The following DNAH9 variants were observed in gnomAD, a reference collection of about 807,000 sequenced individuals.
DNAH9 encodes the protein DNAH9 variant protein.
Under a neutral mutation model 471.6 loss-of-function variants are expected in DNAH9, and 345 were observed. That is an observed-to-expected ratio of 0.73 (90% CI 0.67 to 0.80). DNAH9 has a LOEUF of 0.80. Ranked by LOEUF, DNAH9 falls within the 30% of genes least tolerant of loss-of-function variation. The probability of loss-of-function intolerance (pLI) is 0.00; values close to 1 mark genes in which losing one functional copy is unlikely to be tolerated. For missense variants in DNAH9, 5,407 were observed against 5,609.2 expected, an observed-to-expected ratio of 0.96 and a Z score of 1.15; for synonymous variants, 2,093 against 2,123.6, an observed-to-expected ratio of 0.99 and a Z score of 0.40.
intron 3 of DNAH9, among the ~76,000 whole-genome samples, chr17:11,610,858 T>G (rs1422468257): frequency 6.6e-6 from 1 of 152,214 alleles, no homozygotes; most frequent in African/African-American, 2.4e-5. Flanking sequence ...TTTAACATTT[T>G]TATTCTAACT....
At chr17:11,622,591 C>G (rs1355388141) in intron 6 of DNAH9, among the ~76,000 whole-genome samples, 1 of 152,066 alleles carries the variant, frequency 6.6e-6, no homozygotes, top group Non-Finnish European at 1.5e-5. Context: ...TGCAGATGGC[C>G]CTGGGAATGG....
chr17:11,917,675 T>C (rs1974001630), intron 61 of DNAH9, among the ~76,000 whole-genome samples: 1 of 152,204 alleles, frequency 6.6e-6, no homozygotes, highest in Non-Finnish European at 1.5e-5. Flanking sequence ...ACCTGCCTCC[T>C]TGGGTTACTG....
chr17:11,717,398 A>G (rs2150798590), intron 26 of DNAH9, among the ~76,000 whole-genome samples: 1 of 152,084 alleles, frequency 6.6e-6, no homozygotes, highest in Non-Finnish European at 1.5e-5. Context: ...AAAAAAAAAA[A>G]ACATTTCGGT....
rs756803680 is a variant in DNAH9 at position 11,690,223 on chromosome 17, C to T, written c.4401C>T (p.Asp1467=). The T allele has an allele frequency of 2.5e-6, 4 of 1,614,176 alleles. No individual in the cohort carries two copies. The highest frequency in any genetic ancestry group is 3.4e-6 in the Non-Finnish European group (4 of 1,180,016). The change falls in exon 20 of 69, where the codon GAC becomes GAT. Residue 1467 remains aspartate, a synonymous_variant. Transcript: ENST00000262442. ...TCCCCCTCCTGTGCTCTGATGAGGA[C>T]CTCATAGAGGTTCTGGAGGATAATC... The part of the protein sequence containing the change: ...TNVPLLCSDE[D]LIEVLEDNQV...
intron 26 of DNAH9, among the ~76,000 whole-genome samples, chr17:11,707,959 CCACACACACACACACACACACA>C (rs756020074): frequency 0.021 from 2,212 of 106,342 alleles, 45 homozygotes; most frequent in Non-Finnish European, 0.026. Context: ...GCCTCTCCCA[CCACACACACACACACACACACA>C]CACACACACA....
intron 61 of DNAH9, among the ~76,000 whole-genome samples, chr17:11,915,240 T>TCCCAGCTGGGTGCAGTGGCTC (rs1973906655): frequency 2.0e-5 from 3 of 152,076 alleles, no homozygotes; most frequent in African/African-American, 4.8e-5. Context: ...TCTAGTGACT[T>TCCCAGCTGGGTGCAGTGGCTC]CCCAGCTGGG....
At position 11,690,039 on chromosome 17, in the gene DNAH9, C is replaced by T. The variant is rs117144247; in HGVS notation, c.4217C>T (p.Ala1406Val). ...SFTMDQDTTL[A>V]HLLQLQLHHY... ...ACTATGGACCAGGACACCACCCTAG[C>T]GCACCTGCTGCAGCTCCAGCTGCAC... The change falls in exon 20 of 69, where the codon GCG (alanine) becomes GTG (valine). Residue 1406 changes from alanine to valine, a missense_variant. Transcript: ENST00000262442. The T allele has an allele frequency of 1.6e-5, 26 of 1,614,168 alleles. No homozygotes were observed. Among genetic ancestry groups the T allele is most frequent in the South Asian group, 5.5e-5 (5 of 91,078 alleles).
At chr17:11,618,295 A>G (rs2072785832) in intron 5 of DNAH9, among the ~76,000 whole-genome samples, 1 of 152,206 alleles carries the variant, frequency 6.6e-6, no homozygotes, top group Admixed American at 6.5e-5. Flanking sequence ...TATCTTAAGA[A>G]AGAACTAGAG....
intron 52 of DNAH9, among the ~76,000 whole-genome samples, 182 bp downstream of exon 52, chr17:11,871,968 GCCCTCCAGGCCAC>G (rs1972284243): frequency 6.6e-6 from 1 of 152,062 alleles, no homozygotes; most frequent in Non-Finnish European, 1.5e-5. Flanking sequence ...GCTGCCCACT[GCCCTCCAGGCCAC>G]CTGGGGGCAG....
At chr17:11,747,514 G>A in intron 31 of DNAH9, 42 bp from the exon 32 acceptor site, 1 of 1,549,118 alleles carries the variant, frequency 6.5e-7, no homozygotes, top group Non-Finnish European at 8.9e-7. Flanking sequence ...ATGCAGGTGA[G>A]TCACAGGCTG....
In DNAH9 at chr17:11,822,991, G is replaced by A. The variant is rs201731662; in HGVS notation, c.9203G>A (p.Arg3068Gln). 17 of 1,613,984 alleles carry A rather than the reference G, an allele frequency of 1.1e-5. No individual in the cohort carries two copies. The highest frequency in any genetic ancestry group is 1.6e-4 in the Middle Eastern group (1 of 6,084). Reference protein sequence around the residue: ...HRKELKCKTERLENGLLKLHS... With the variant: ...HRKELKCKTEQLENGLLKLHS... ...AAAGAGCTCAAGTGCAAGACAGAGC[G>A]GTTGGAGAACGGGCTGCTGAAGCTG... The change falls in exon 48 of 69, where the codon CGG becomes CAG. Residue 3068 changes from arginine to glutamine, a missense_variant. By Grantham distance (43) the Arg-to-Gln change is conservative. Coordinates refer to ENST00000262442, the MANE Select transcript of DNAH9 (RefSeq NM_001372.4).
At chr17:11,647,583 C>T (rs1435569940) in intron 12 of DNAH9, among the ~76,000 whole-genome samples, 2 of 152,144 alleles carry the variant, frequency 1.3e-5, no homozygotes, top group Non-Finnish European at 2.9e-5. Flanking sequence ...AAAAGATCAC[C>T]AATCATTTGG....
intron 26 of DNAH9, among the ~76,000 whole-genome samples, chr17:11,706,709 T>A (rs992224982): frequency 2.6e-5 from 4 of 152,156 alleles, no homozygotes; most frequent in African/African-American, 9.6e-5. Context: ...TCCATGAAAT[T>A]GTATAGAAAT....
At chr17:11,920,059 A>G in intron 61 of DNAH9, among the ~76,000 whole-genome samples, 1 of 125,104 alleles carries the variant, frequency 8.0e-6, no homozygotes, top group African/African-American at 3.2e-5. Flanking sequence ...TTTGAGACAG[A>G]GTTTCGCTCT....
rs575537565 is a variant in DNAH9 at position 11,858,519 on chromosome 17, T to C, written c.9933+4091T>C. 2.0e-5 allele frequency among the ~76,000 whole-genome samples: 3 copies of C among 152,362 alleles called. No individual in the cohort carries two copies. In the South Asian group the frequency reaches 6.2e-4, roughly 32 times the overall value. ...GTAATGGCTTCCCATTCACACAGTT[T>C]TGCTCATTTTGTCATAATCCCCACC... On this transcript the variant is annotated intron_variant, in intron 50 of 68. Transcript: ENST00000262442.
At chr17:11,677,530 C>A (rs1217462806) in intron 17 of DNAH9, among the ~76,000 whole-genome samples, 1 of 152,114 alleles carries the variant, frequency 6.6e-6, no homozygotes, top group Admixed American at 6.6e-5. Context: ...CTTGCTGTGC[C>A]CTTCCATTAG....
intron 31 of DNAH9, among the ~76,000 whole-genome samples, chr17:11,746,605 A>C (rs1966889308): frequency 6.6e-6 from 1 of 152,150 alleles, no homozygotes; most frequent in Admixed American, 6.5e-5. Context: ...ACCTCCCACC[A>C]GATCCCTCCC....
At chr17:11,926,962 A>C (rs1012573124) in intron 62 of DNAH9, among the ~76,000 whole-genome samples, 1 of 152,186 alleles carries the variant, frequency 6.6e-6, no homozygotes, top group African/African-American at 2.4e-5. Context: ...GACTGGCGTG[A>C]GATGGTATCT....
intron 32 of DNAH9, among the ~76,000 whole-genome samples, chr17:11,749,640 T>G (rs1186492274): frequency 6.6e-6 from 1 of 152,064 alleles, no homozygotes; most frequent in Non-Finnish European, 1.5e-5. Flanking sequence ...ATCTGGAATT[T>G]ATGTTGGGGC....
Sources: gnomAD v4.1 joint callset for allele counts (sites outside exome capture counted in the v4.1 genomes callset) on GRCh38, gnomAD v4.1.1 for gene constraint, MANE v1.5 for transcripts, NCBI Gene and HGNC (gene_info 2026-07-23, HGNC 2026-07-21) for gene names.